FADS3: variants seen among roughly 807,000 people sequenced by gnomAD.
FADS3 encodes the protein fatty acid desaturase 3.
Under a neutral mutation model 60.4 loss-of-function variants are expected in FADS3, and 30 were observed. That is an observed-to-expected ratio of 0.50 (90% CI 0.37 to 0.67). The LOEUF (loss-of-function observed/expected upper bound fraction) is 0.67. Ranked by LOEUF, FADS3 falls within the 30% of genes least tolerant of loss-of-function variation. FADS3 has a pLI of 0.00. For synonymous variants in FADS3, 234 were observed against 249.3 expected (o/e 0.94, Z 0.58); for missense variants, 432 against 598.3 (o/e 0.72, Z 2.90).
At position 61,878,619 on chromosome 11, in the gene FADS3, A is replaced by C. The variant is rs1405586493; in HGVS notation, c.640T>G (p.Trp214Gly). The C allele has an allele frequency of 6.2e-7, 1 of 1,614,156 alleles. No individual in the cohort carries two copies. Among genetic ancestry groups the C allele is most frequent in the Non-Finnish European group, 8.5e-7 (1 of 1,180,010 alleles). ...TGCTGGAAGTGGCGGAAGTTCCACC[A>C]GTGGGCGGAGAAGCCCTGTGGAGGA... Reference protein sequence around the residue: ...MGQLKGFSAHWWNFRHFQHHA... With the variant: ...MGQLKGFSAHGWNFRHFQHHA... The change falls in exon 5 of 12, where the codon TGG (tryptophan) becomes GGG (glycine). Residue 214 changes from tryptophan (W) to glycine (G), a missense_variant. By Grantham distance (184) the Trp-to-Gly change is radical (BLOSUM62 -2). Coordinates refer to ENST00000278829, the MANE Select transcript of FADS3 (RefSeq NM_021727.5).
At chr11:61,880,332 AG>A (rs1419891663) in intron 1 of FADS3, 181 bp from the exon 2 acceptor site, 2 of 515,716 alleles carry the variant, frequency 3.9e-6, no homozygotes, top group Non-Finnish European at 6.9e-6. Context: ...CCAGGGCCCC[AG>A]GTTGTCCTGC....
chr11:61,880,179 C>T (rs1157988104), intron 1 of FADS3, 28 bp from the exon 2 acceptor site: 6 of 1,583,288 alleles, frequency 3.8e-6, no homozygotes, highest in Non-Finnish European at 5.2e-6. Flanking sequence ...GTCAGGCGGA[C>T]AGACAGACAC....
At chr11:61,875,830 G>A (rs773252356) in intron 11 of FADS3, 21 bp downstream of exon 11, 1 of 1,608,828 alleles carries the variant, frequency 6.2e-7, no homozygotes, top group Non-Finnish European at 8.5e-7. Flanking sequence ...CCAGAACAGA[G>A]GGGCCGGGCT....
At chr11:61,884,363 G>A (rs1215224001) in intron 1 of FADS3, among the ~76,000 whole-genome samples, 1 of 152,156 alleles carries the variant, frequency 6.6e-6, no homozygotes, top group East Asian at 1.9e-4. Flanking sequence ...AATGTATATG[G>A]AGCTTAAAAC....
At chr11:61,884,409 T>C (rs1320463634) in intron 1 of FADS3, among the ~76,000 whole-genome samples, 1 of 152,178 alleles carries the variant, frequency 6.6e-6, no homozygotes, top group African/African-American at 2.4e-5. Flanking sequence ...CAAACCACCA[T>C]GGCACATGTA....
Position 61,877,730 on chromosome 11 carries a change from C to G in FADS3, c.809-143G>C. 1 of 734,138 alleles carries G rather than the reference C, an allele frequency of 1.4e-6. No homozygotes were observed. The highest frequency in any genetic ancestry group is 2.3e-6 in the Non-Finnish European group (1 of 436,736). The allele number at this position is 734,138 out of a possible 1,614,324, so 45.5% of individuals were successfully genotyped here. A position where few individuals can be genotyped will look rare whatever the true frequency, so the allele number is the denominator to read the frequency against. ...ATCCAGCTGAATGACCCCATATCAC[C>G]CCCAATTCTGTGTCCAAGCCTCCCC... On this transcript the variant is annotated intron_variant, in intron 6 of 11. Coordinates refer to ENST00000278829, the MANE Select transcript of FADS3 (RefSeq NM_021727.5). The surrounding 1 kb of genome is among the most constrained non-coding windows in gnomAD (Gnocchi z 4.7).
At chr11:61,880,886 C>T (rs1293069993) in intron 1 of FADS3, 2 of 152,178 alleles carry the variant, frequency 1.3e-5, no homozygotes, top group Non-Finnish European at 2.9e-5. Flanking sequence ...AGTAGCTGGT[C>T]TCAAACTCCT....
Position 61,875,849 on chromosome 11 carries a change from AC to A in FADS3, c.1286+1del. On this transcript the variant is annotated splice_donor_variant, in intron 11 of 11. Coordinates refer to ENST00000278829, the MANE Select transcript of FADS3 (RefSeq NM_021727.5). LOFTEE classifies it high-confidence loss of function. ...AACAGAGGGGCCGGGCTGCAGCCTC[AC>A]CTGACGATGTCCACCAGCGCGGTGA... 1 of 1,611,736 alleles carries A rather than the reference AC, an allele frequency of 6.2e-7. No individual in the cohort carries two copies. Among genetic ancestry groups the A allele is most frequent in the Non-Finnish European group, 8.5e-7 (1 of 1,178,760 alleles).
rs1937758759 is a variant in FADS3 at position 61,873,644 on chromosome 11, T to C, written c.*170A>G. On this transcript the variant is annotated 3_prime_UTR_variant, in exon 12 of 12. Coordinates refer to ENST00000278829, the MANE Select transcript of FADS3 (RefSeq NM_021727.5). ...CCCATCAGGCCCAGAGCCAAGGCCA[T>C]AGGGCTGCTGAATACACATGTGAGG... The C allele has an allele frequency of 2.6e-5, 17 of 648,766 alleles. No individual in the cohort carries two copies. In the South Asian group the frequency reaches 2.8e-4, roughly 11 times the overall value. 40.2% of individuals were successfully genotyped at this position (648,766 alleles called of 1,614,324 possible).
chr11:61,879,998 C>T (rs766894921), intron 2 of FADS3, 43 bp downstream of exon 2: 4 of 1,506,146 alleles, frequency 2.7e-6, no homozygotes, highest in African/African-American at 2.8e-5. Context: ...TCCAGCCATC[C>T]CCCTCCCTCA....
At chr11:61,874,002 A>G in intron 11 of FADS3, 137 bp from the exon 12 acceptor site, 1 of 613,388 alleles carries the variant, frequency 1.6e-6, no homozygotes, top group Non-Finnish European at 3.0e-6. Flanking sequence ...GCAGGCAGCG[A>G]TGCGGGCTGG....
chr11:61,890,362 C>T (rs1938460382), intron 1 of FADS3: 1 of 152,286 alleles, frequency 6.6e-6, no homozygotes, highest in Non-Finnish European at 1.5e-5. Context: ...GGATTCATGT[C>T]CTCGGGTCTT....
chr11:61,887,779 AGAATCAATGAGT>A (rs1183155628), intron 1 of FADS3, among the ~76,000 whole-genome samples: 2 of 152,244 alleles, frequency 1.3e-5, no homozygotes, highest in Admixed American at 6.5e-5. Context: ...CAAACATTGA[AGAATCAATGAGT>A]GCCGGAAATA....
chr11:61,890,977 G>T (rs1159319623), intron 1 of FADS3, among the ~76,000 whole-genome samples, 192 bp downstream of exon 1: 1 of 152,194 alleles, frequency 6.6e-6, no homozygotes, highest in East Asian at 1.9e-4. Context: ...GGTCCTCCAC[G>T]CAGGGAACTG....
chr11:61,875,619 G>C (rs58481740), intron 11 of FADS3, among the ~76,000 whole-genome samples: 9,640 of 152,240 alleles, frequency 0.063, 1,103 homozygotes, highest in African/African-American at 0.22. Flanking sequence ...TCAGCCTTTG[G>C]GGGTAGGTTT....
Position 61,877,932 on chromosome 11 carries a change from T to C in FADS3, c.808+223A>G. Reference sequence around the variant, plus strand: ...GGGGAAGCTCCCAGCAGGGCTGTGATGGCCCGTGGCTGCAAGGTGTCCCAG... The same window carrying C: ...GGGGAAGCTCCCAGCAGGGCTGTGACGGCCCGTGGCTGCAAGGTGTCCCAG... On this transcript the variant is annotated intron_variant, in intron 6 of 11. Transcript: ENST00000278829. The surrounding 1 kb of genome is among the most constrained non-coding windows in gnomAD (Gnocchi z 4.7). 1 of 603,314 alleles carries C rather than the reference T, an allele frequency of 1.7e-6. No homozygotes were observed. Among genetic ancestry groups the C allele is most frequent in the Non-Finnish European group, 3.0e-6 (1 of 338,940 alleles). The allele number at this position is 603,314 out of a possible 1,614,324, so 37.4% of individuals were successfully genotyped here. A position where few individuals can be genotyped will look rare whatever the true frequency, so the allele number is the denominator to read the frequency against.
chr11:61,886,316 G>C (rs1266479644), intron 1 of FADS3: 1 of 152,274 alleles, frequency 6.6e-6, no homozygotes, highest in East Asian at 1.9e-4. Context: ...GAGACCGGGA[G>C]GGATGCCCAG....
Position 61,873,615 on chromosome 11 carries a change from CT to C in FADS3, c.*198del, listed in dbSNP as rs1937757454. ...TGCTATGCTCACCTTCCCTCTACCC[CT>C]GTCCCATCAGGCCCAGAGCCAAGGC... On this transcript the variant is annotated 3_prime_UTR_variant, in exon 12 of 12. Transcript: ENST00000278829. The C allele has an allele frequency of 5.0e-6, 3 of 604,180 alleles. No homozygotes were observed. The highest frequency in any genetic ancestry group is 2.8e-5 in the East Asian group (1 of 35,236). 37.4% of individuals were successfully genotyped at this position (604,180 alleles called of 1,614,324 possible). A position where few individuals can be genotyped will look rare whatever the true frequency, so the allele number is the denominator to read the frequency against.
chr11:61,876,640 C>G lies in FADS3; in HGVS notation c.984-185G>C. Reference sequence around the variant, plus strand: ...AGCAGTGTCCACTGTGAGGCTGAGTCCAGAGCAGCTCCGACACCCACCGGG... The same window carrying G: ...AGCAGTGTCCACTGTGAGGCTGAGTGCAGAGCAGCTCCGACACCCACCGGG... On this transcript the variant is annotated intron_variant, in intron 8 of 11. Transcript: ENST00000278829. The surrounding 1 kb of genome is among the most constrained non-coding windows in gnomAD (Gnocchi z 5.7). 1 of 664,250 alleles carries G rather than the reference C, an allele frequency of 1.5e-6. No individual in the cohort carries two copies. 41.1% of individuals were successfully genotyped at this position (664,250 alleles called of 1,614,324 possible).
Sources: gnomAD v4.1 joint callset for allele counts (sites outside exome capture counted in the v4.1 genomes callset) on GRCh38, gnomAD v4.1.1 for gene constraint, Gnocchi (gnomAD v3.1) non-coding constraint, MANE v1.5 for transcripts, NCBI Gene and HGNC (gene_info 2026-07-23, HGNC 2026-07-21) for gene names.